Variants in ARHGAP6 observed in about 807,000 individuals in gnomAD.
The protein encoded by ARHGAP6 is Rho GTPase activating protein 6.
ARHGAP6 carries 16 observed loss-of-function variants against 55.7 expected under a neutral mutation model. That is an observed-to-expected ratio of 0.29 (90% CI 0.19 to 0.44). The LOEUF is 0.44. Ranked by LOEUF, ARHGAP6 falls within the 20% of genes least tolerant of loss-of-function variation. ARHGAP6 has a pLI of 1.00. For synonymous variants in ARHGAP6, 382 were observed against 360.9 expected, an observed-to-expected ratio of 1.06 and a Z score of -0.66; for missense variants, 698 against 808.9, an observed-to-expected ratio of 0.86 and a Z score of 1.66.
chrX:11,555,982 T>G (rs190262861), intron 1 of ARHGAP6, among the ~76,000 whole-genome samples: 134 of 110,998 alleles, frequency 1.2e-3, no homozygotes, highest in Non-Finnish European at 1.2e-3. Flanking sequence ...CTGGAGGGTG[T>G]TGAGTAAGTG....
intron 9 of ARHGAP6, 140 bp downstream of exon 9, chrX:11,169,365 C>T (rs955161091): frequency 2.3e-5 from 11 of 486,160 alleles, no homozygotes; most frequent in Non-Finnish European, 3.4e-5. Flanking sequence ...ATTTCTACTC[C>T]TGCTGAAACT....
chrX:11,360,204 C>A (rs540234070), intron 1 of ARHGAP6, among the ~76,000 whole-genome samples: 7 of 110,008 alleles, frequency 6.4e-5, no homozygotes, highest in South Asian at 3.9e-4. Context: ...ACACAACCAA[C>A]AAAGAGAATT....
intron 1 of ARHGAP6, among the ~76,000 whole-genome samples, chrX:11,427,383 C>G (rs909686815): frequency 1.8e-5 from 2 of 112,508 alleles, no homozygotes; most frequent in African/African-American, 3.2e-5. Context: ...GGAAGCGCCA[C>G]TGAGTTAGTG....
intron 1 of ARHGAP6, among the ~76,000 whole-genome samples, chrX:11,405,585 T>C (rs910137308): frequency 8.9e-6 from 1 of 112,355 alleles, no homozygotes; most frequent in Non-Finnish European, 1.9e-5. Flanking sequence ...AATGGCAAGC[T>C]CTGGCATATT....
intron 1 of ARHGAP6, among the ~76,000 whole-genome samples, chrX:11,326,374 C>T (rs111795634): frequency 0.018 from 2,053 of 111,184 alleles, 23 homozygotes; most frequent in Middle Eastern, 0.056. Context: ...GTGATCCACC[C>T]GCCTTGGCCT....
chrX:11,483,945 T>C (rs1569361784), intron 1 of ARHGAP6, among the ~76,000 whole-genome samples: 1 of 111,712 alleles, frequency 9.0e-6, no homozygotes, highest in Admixed American at 9.5e-5. Context: ...TGTTAATTCT[T>C]ATAGTGACAC....
At position 11,655,808 on chromosome X, in the gene ARHGAP6, G is replaced by A. The variant is rs150049610; in HGVS notation, c.588+8433C>T. 2.9e-4 allele frequency among the ~76,000 whole-genome samples: 33 copies of A among 112,551 alleles called. No homozygotes were observed. In the East Asian group the frequency reaches 6.2e-3, roughly 21 times the overall value. On this transcript the variant is annotated intron_variant, in intron 1 of 12. Coordinates refer to ENST00000337414, the MANE Select transcript of ARHGAP6 (RefSeq NM_013427.3). ...TAGAACAAGATGTCACGCCCCAAAG[G>A]CAAGCCTCTGGGAATCTGGGAGAAC...
intron 1 of ARHGAP6, among the ~76,000 whole-genome samples, chrX:11,361,466 A>G (rs1424804763): frequency 1.8e-5 from 2 of 111,499 alleles, no homozygotes; most frequent in East Asian, 2.8e-4. Context: ...GAAAGCTGAA[A>G]CTGCATCCCT....
chrX:11,490,748 T>C (rs2050559190), intron 1 of ARHGAP6, among the ~76,000 whole-genome samples: 1 of 112,125 alleles, frequency 8.9e-6, no homozygotes, highest in Non-Finnish European at 1.9e-5. Flanking sequence ...GCCTCAATTA[T>C]TACCAGCTTT....
chrX:11,518,451 CTTTTT>C (rs1226278609), intron 1 of ARHGAP6, among the ~76,000 whole-genome samples: 1 of 81,681 alleles, frequency 1.2e-5, no homozygotes, highest in South Asian at 6.2e-4. Context: ...GCCCAATTTT[CTTTTT>C]TTTTTCTTTT....
intron 1 of ARHGAP6, among the ~76,000 whole-genome samples, chrX:11,372,771 CAAAAAAAAAAAAA>C (rs1171647934): frequency 7.0e-5 from 1 of 14,359 alleles, no homozygotes; most frequent in Non-Finnish European, 1.2e-4. Flanking sequence ...GACTCCATCT[CAAAAAAAAAAAAA>C]AAAAAAAAAA....
At chrX:11,170,564 A>G (rs1453595170) in intron 8 of ARHGAP6, among the ~76,000 whole-genome samples, 1 of 111,665 alleles carries the variant, frequency 9.0e-6, no homozygotes, top group Non-Finnish European at 1.9e-5. Context: ...AGAGCAATCT[A>G]TGGAACAGGG....
chrX:11,174,741 G>A (rs1329674922), intron 8 of ARHGAP6, among the ~76,000 whole-genome samples: 1 of 102,906 alleles, frequency 9.7e-6, no homozygotes, highest in African/African-American at 3.6e-5. Context: ...AGGCTGGAGT[G>A]CAGTGGCGTG....
intron 1 of ARHGAP6, among the ~76,000 whole-genome samples, chrX:11,288,692 A>C (rs2047951428): frequency 9.0e-6 from 1 of 111,429 alleles, no homozygotes; most frequent in Non-Finnish European, 1.9e-5. Flanking sequence ...GGCAACCATG[A>C]ATCTACTTTC....
intron 1 of ARHGAP6, among the ~76,000 whole-genome samples, chrX:11,297,869 G>A (rs1237094567): frequency 2.7e-5 from 3 of 112,005 alleles, no homozygotes; most frequent in African/African-American, 9.7e-5. Flanking sequence ...TGTTTGTTTT[G>A]CTCTTACAAT....
chrX:11,416,851 C>T (rs933460041), intron 1 of ARHGAP6, among the ~76,000 whole-genome samples: 2 of 108,021 alleles, frequency 1.9e-5, no homozygotes, highest in Admixed American at 1.0e-4. Context: ...AGTTCAGTCA[C>T]GCGGTTGTCG....
intron 2 of ARHGAP6, among the ~76,000 whole-genome samples, chrX:11,236,971 C>T (rs1026182555): frequency 3.6e-5 from 4 of 112,248 alleles, no homozygotes; most frequent in African/African-American, 1.3e-4. Context: ...TGTAAAACAG[C>T]GGACATCCAT....
In ARHGAP6 at chrX:11,169,602, TTGTC is replaced by T; in HGVS notation, c.1708_1711del (p.Asp570LysfsTer24). On this transcript the variant is annotated frameshift_variant, in exon 9 of 13. Coordinates refer to ENST00000337414, the MANE Select transcript of ARHGAP6 (RefSeq NM_013427.3). LOFTEE classifies it high-confidence loss of function. ...GGCTGAACTCTGAACTGAGAATTCT[TTGTC>T]TGATGACTTCTGCTTGTGCAGCAGG... 1 of 1,208,768 alleles carries T rather than the reference TTGTC, an allele frequency of 8.3e-7. No homozygotes were observed. Among genetic ancestry groups the T allele is most frequent in the Non-Finnish European group, 1.1e-6 (1 of 894,255 alleles).
intron 1 of ARHGAP6, among the ~76,000 whole-genome samples, chrX:11,661,624 T>C (rs1288344588): frequency 8.9e-6 from 1 of 112,419 alleles, no homozygotes; most frequent in African/African-American, 3.2e-5. Context: ...GGTGAATTCT[T>C]AGGATTTCAT....
Sources: allele counts gnomAD v4.1 joint callset (sites outside exome capture counted in the v4.1 genomes callset), GRCh38; gene constraint gnomAD v4.1.1; transcripts MANE v1.5; gene names NCBI Gene and HGNC (gene_info 2026-07-23, HGNC 2026-07-21).